The following LIMCH1 variants were observed in gnomAD, a reference collection of about 807,000 sequenced individuals.
LIMCH1 encodes the protein LIM and calponin homology domains 1, also known as LIM and calponin homology domains-containing protein 1.
Under a neutral mutation model 176.5 loss-of-function variants are expected in LIMCH1, and 113 were observed. That is an observed-to-expected ratio of 0.64 (90% CI 0.55 to 0.75). The LOEUF is 0.75. Ranked by LOEUF, LIMCH1 falls within the 30% of genes least tolerant of loss-of-function variation. The pLI, the probability that LIMCH1 is intolerant of heterozygous loss-of-function variation, is 0.00. For synonymous variants in LIMCH1, 619 were observed against 645.9 expected (o/e 0.96, Z 0.63); for missense variants, 1,674 against 1,814.9 (o/e 0.92, Z 1.41).
rs2058430619 is a variant in LIMCH1, at chr4:41,401,470, C to T, written c.96+40534C>T. Among the ~76,000 whole-genome samples, 3 of 152,140 alleles carry T rather than the reference C, an allele frequency of 2.0e-5. No homozygotes were observed. The South Asian group carries it at 6.2e-4, about 32-fold the overall frequency. On this transcript the variant is annotated intron_variant, in intron 1 of 26. Coordinates refer to the LIMCH1 transcript ENST00000313860. ...TGGTTTGAAGTCAGGTAGCATGATG[C>T]CTCCAGCTTTGTTCTTTTGGCTTAG...
intron 1 of LIMCH1, among the ~76,000 whole-genome samples, chr4:41,410,413 C>T (rs2059374444): frequency 2.0e-5 from 3 of 152,212 alleles, no homozygotes; most frequent in African/African-American, 7.2e-5. Flanking sequence ...TTTACTTCTC[C>T]TGTTCCATTA....
chr4:41,383,352 G>A (rs112946125), intron 1 of LIMCH1, among the ~76,000 whole-genome samples: 8 of 152,226 alleles, frequency 5.3e-5, no homozygotes, highest in African/African-American at 1.7e-4. Flanking sequence ...AGTAAAGAAC[G>A]GTTTAGGAAC....
chr4:41,462,951 C>G (rs2065589851), intron 1 of LIMCH1, among the ~76,000 whole-genome samples: 1 of 152,010 alleles, frequency 6.6e-6, no homozygotes, highest in South Asian at 2.1e-4. Flanking sequence ...TAATAGCACA[C>G]ATTGGTCTCT....
intron 1 of LIMCH1, among the ~76,000 whole-genome samples, chr4:41,386,378 C>T (rs904802029): frequency 6.6e-6 from 1 of 152,190 alleles, no homozygotes; most frequent in African/African-American, 2.4e-5. Flanking sequence ...CATCAGTTTT[C>T]TTATCTATGA....
intron 1 of LIMCH1, among the ~76,000 whole-genome samples, chr4:41,585,818 G>A (rs1014905250): frequency 7.2e-5 from 11 of 152,228 alleles, no homozygotes; most frequent in African/African-American, 1.7e-4. Context: ...AGACTGATAC[G>A]TGATTCTACT....
Position 41,384,370 on chromosome 4 carries a change from A to AT in LIMCH1, c.96+23447dup, listed in dbSNP as rs879388418. Among the ~76,000 whole-genome samples the AT allele has an allele frequency of 2.7e-3, 392 of 143,158 alleles. 1 individual carries two copies. Among genetic ancestry groups the AT allele is most frequent in the East Asian group, 7.3e-3 (36 of 4,904 alleles). 93.9% of individuals were successfully genotyped at this position (143,158 alleles called of 152,430 possible). On this transcript the variant is annotated intron_variant, in intron 1 of 26. Coordinates refer to the LIMCH1 transcript ENST00000313860. ...CAGGTGCCTGCCACCACGCCGGGCT[A>AT]TTTTTTTTTTTTTATTTTTAGTAGA...
chr4:41,499,449 T>C (rs2072818154), intron 2 of LIMCH1, among the ~76,000 whole-genome samples: 1 of 152,212 alleles, frequency 6.6e-6, no homozygotes, highest in Admixed American at 6.5e-5. Context: ...AGCAATAATA[T>C]AGTAACGTTT....
intron 1 of LIMCH1, among the ~76,000 whole-genome samples, chr4:41,476,010 C>T (rs2067683578): frequency 6.6e-6 from 1 of 152,168 alleles, no homozygotes. Context: ...CTTGCTCTGT[C>T]GCCCAGGCTG....
At chr4:41,684,274 T>C (rs1211524647) in intron 26 of LIMCH1, 123 bp from the exon 27 acceptor site, 1 of 717,774 alleles carries the variant, frequency 1.4e-6, no homozygotes, top group Non-Finnish European at 2.1e-6. Flanking sequence ...ATAGAATAAA[T>C]AAAGAGTCCC....
intron 3 of LIMCH1, 182 bp downstream of exon 3, chr4:41,604,087 G>T: frequency 1.9e-6 from 1 of 520,856 alleles, no homozygotes; most frequent in Non-Finnish European, 2.5e-6. Flanking sequence ...GTTGGGCTGG[G>T]GTGGTGGTGG....
intron 1 of LIMCH1, among the ~76,000 whole-genome samples, chr4:41,545,203 C>T (rs1201514690): frequency 6.6e-6 from 1 of 152,140 alleles, no homozygotes; most frequent in African/African-American, 2.4e-5. Flanking sequence ...TATTTTGATG[C>T]CTATCGCTCA....
At chr4:41,464,897 G>A (rs890216446) in intron 1 of LIMCH1, among the ~76,000 whole-genome samples, 4 of 152,126 alleles carry the variant, frequency 2.6e-5, no homozygotes, top group African/African-American at 9.7e-5. Flanking sequence ...TTGAATCAGT[G>A]AATTATCTCT....
chr4:41,474,041 G>A (rs148250848), intron 1 of LIMCH1, among the ~76,000 whole-genome samples: 2,207 of 151,954 alleles, frequency 0.015, 21 homozygotes, highest in Non-Finnish European at 0.023. Flanking sequence ...AACAAGGCAC[G>A]GTGGTGCGCC....
At chr4:41,549,512 T>C (rs993032461) in intron 1 of LIMCH1, among the ~76,000 whole-genome samples, 1 of 152,114 alleles carries the variant, frequency 6.6e-6, no homozygotes, top group African/African-American at 2.4e-5. Context: ...CATTTTTTTC[T>C]TTTTCTCTCT....
At chr4:41,576,801 T>C (rs968721979) in intron 1 of LIMCH1, among the ~76,000 whole-genome samples, 1 of 152,140 alleles carries the variant, frequency 6.6e-6, no homozygotes, top group East Asian at 1.9e-4. Flanking sequence ...TATCTTATCT[T>C]TGACTAATTA....
intron 1 of LIMCH1, among the ~76,000 whole-genome samples, chr4:41,557,398 T>C (rs937144755): frequency 6.6e-6 from 1 of 152,156 alleles, no homozygotes; most frequent in African/African-American, 2.4e-5. Context: ...CACTCTCTCA[T>C]ACATTTAGAG....
chr4:41,660,883 G>C (rs1210729169), intron 18 of LIMCH1, among the ~76,000 whole-genome samples: 1 of 152,172 alleles, frequency 6.6e-6, no homozygotes, highest in Non-Finnish European at 1.5e-5. Flanking sequence ...AGTGAGAAAA[G>C]AGTAGTCTGA....
Position 41,684,435 on chromosome 4 carries a change from T to C in LIMCH1, c.3884T>C (p.Val1295Ala). ...EGALAHSGNP[V>A]SKGVHEDHQL... ...GCCTTGGCTCATTCTGGGAACCCTG[T>C]ATCAAAAGGAGTCCATGAAGACCAT... Residue 1295 changes from valine to alanine, a missense_variant, in exon 27 of 32, where the codon GTA becomes GCA. This residue lies in a region of LIMCH1 where 1,015 missense variants were observed against 1,102.5 expected (regional missense o/e 0.92). Transcript: ENST00000503057. 6.2e-7 allele frequency: 1 copy of C among 1,613,710 alleles called. No homozygotes were observed. The highest frequency in any genetic ancestry group is 1.1e-5 in the South Asian group (1 of 91,054).
At chr4:41,553,908 A>G (rs1442778682) in intron 1 of LIMCH1, among the ~76,000 whole-genome samples, 3 of 152,166 alleles carry the variant, frequency 2.0e-5, no homozygotes, top group Non-Finnish European at 4.4e-5. Flanking sequence ...GTAAAAACAA[A>G]ACAGATAATA....
Sources: allele counts gnomAD v4.1 joint callset (sites outside exome capture counted in the v4.1 genomes callset), GRCh38; gene constraint gnomAD v4.1.1; regional missense constraint gnomAD v4.1.1; transcripts MANE v1.5; gene names NCBI Gene and HGNC (gene_info 2026-07-23, HGNC 2026-07-21).